Variants in CREBL2 observed in about 807,000 individuals in gnomAD.
The protein encoded by CREBL2 is cAMP-responsive element-binding protein-like 2.
A neutral mutation model predicts 19.5 loss-of-function variants in CREBL2; 4 were observed. The observed-to-expected ratio is 0.20, with a 90% CI of 0.10 to 0.47. The LOEUF (loss-of-function observed/expected upper bound fraction) is 0.47. Among genes scored for constraint, CREBL2 ranks in the 20% least tolerant of loss-of-function variants. The pLI, the probability that CREBL2 is intolerant of heterozygous loss-of-function variation, is 0.98. For missense variants in CREBL2, 85 were observed against 145.1 expected (o/e 0.59, Z 2.13); for synonymous variants, 42 against 46.6 (o/e 0.90, Z 0.40).
At chr12:12,636,703 C>T (rs1945478147) in intron 2 of CREBL2, among the ~76,000 whole-genome samples, 1 of 152,178 alleles carries the variant, frequency 6.6e-6, no homozygotes, top group Non-Finnish European at 1.5e-5. Flanking sequence ...TTACAGGCAT[C>T]AGCCACTGCA....
chr12:12,624,041 C>T (rs538629085), intron 1 of CREBL2, among the ~76,000 whole-genome samples: 1 of 152,144 alleles, frequency 6.6e-6, no homozygotes, highest in Non-Finnish European at 1.5e-5. Flanking sequence ...CAGACTGCCC[C>T]AGTCTGGACT....
chr12:12,612,090 C>T lies in CREBL2; in HGVS notation c.-83C>T. The T allele has an allele frequency of 6.4e-7, 1 of 1,554,988 alleles. No individual in the cohort carries two copies. Among genetic ancestry groups the T allele is most frequent in the Non-Finnish European group, 8.8e-7 (1 of 1,136,592 alleles). On this transcript the variant is annotated 5_prime_UTR_variant, in exon 1 of 4. Transcript: ENST00000228865. The stretch of plus-strand genomic sequence containing the variant: ...GCCAGAACCATATCCCCTTCTTCCT[C>T]GGGGCGGGGGCCGGGCCAGGCCGGC...
chr12:12,615,543 G>C (rs1317748481), intron 1 of CREBL2: 1 of 151,660 alleles, frequency 6.6e-6, no homozygotes, highest in Admixed American at 6.6e-5. Flanking sequence ...CTGTCACCAG[G>C]TTGTAGTGCA....
At position 12,645,079 on chromosome 12, in the gene CREBL2, G is replaced by A. The variant is rs1945554745; in HGVS notation, c.*3081G>A. On this transcript the variant is annotated 3_prime_UTR_variant, in exon 4 of 4. Transcript: ENST00000228865. Reference sequence around the variant, plus strand: ...TTACAGAAAACTGTTAAATAGGGAAGAACTACATTAAATTTAAATATTCAC... The same window carrying A: ...TTACAGAAAACTGTTAAATAGGGAAAAACTACATTAAATTTAAATATTCAC... The A allele has an allele frequency of 6.6e-6, 1 of 152,118 alleles. No individual in the cohort carries two copies. Among genetic ancestry groups the A allele is most frequent in the Admixed American group, 6.5e-5 (1 of 15,286 alleles). 9.4% of individuals were successfully genotyped at this position (152,118 alleles called of 1,614,324 possible).
At chr12:12,640,588 C>T (rs560119680) in intron 3 of CREBL2, among the ~76,000 whole-genome samples, 14 of 152,060 alleles carry the variant, frequency 9.2e-5, no homozygotes, top group East Asian at 1.9e-4. Context: ...CCTCAGCTTA[C>T]GAAGATAATA....
At chr12:12,635,752 T>A in intron 1 of CREBL2, 25 bp from the exon 2 acceptor site, 22 of 1,582,182 alleles carry the variant, frequency 1.4e-5, no homozygotes, top group Non-Finnish European at 1.9e-5. Flanking sequence ...AAGGAAAAAA[T>A]TATTTCTTCT....
At chr12:12,627,893 T>C (rs1344883946) in intron 1 of CREBL2, among the ~76,000 whole-genome samples, 1 of 152,126 alleles carries the variant, frequency 6.6e-6, no homozygotes, top group African/African-American at 2.4e-5. Flanking sequence ...TTACTGGTTG[T>C]CTTTTTTTTT....
chr12:12,613,458 C>T (rs1945283638), intron 1 of CREBL2, among the ~76,000 whole-genome samples: 1 of 152,124 alleles, frequency 6.6e-6, no homozygotes, highest in East Asian at 1.9e-4. Context: ...TTCACATATC[C>T]TCAGAGAGAT....
chr12:12,611,897 C>T lies in CREBL2; in HGVS notation c.-276C>T, dbSNP rs570332695. 9 of 523,156 alleles carry T rather than the reference C, an allele frequency of 1.7e-5. No homozygotes were observed. The highest frequency in any genetic ancestry group is 1.3e-4 in the East Asian group (4 of 30,746). 32.4% of individuals were successfully genotyped at this position (523,156 alleles called of 1,614,324 possible). A position where few individuals can be genotyped will look rare whatever the true frequency, so the allele number is the denominator to read the frequency against. On this transcript the variant is annotated 5_prime_UTR_variant, in exon 1 of 4. Coordinates refer to ENST00000228865, the MANE Select transcript of CREBL2 (RefSeq NM_001310.4). ...CTCCGGTCTCGGCGGCTCTCCAGAG[C>T]GTCTGTAAACACCCAGAGACTGTCA... is the stretch of plus-strand genomic sequence containing the variant.
At chr12:12,613,980 TCTTTTTTTTC>T (rs1945287408) in intron 1 of CREBL2, among the ~76,000 whole-genome samples, 1 of 128,766 alleles carries the variant, frequency 7.8e-6, no homozygotes, top group Non-Finnish European at 1.6e-5. Flanking sequence ...CTTTCTTTTT[TCTTTTTTTTC>T]TTTTTTTTTT....
Position 12,620,249 on chromosome 12 carries a change from T to C in CREBL2, c.15+8062T>C, listed in dbSNP as rs567445071. 4.8e-3 allele frequency among the ~76,000 whole-genome samples: 732 copies of C among 152,024 alleles called. 8 individuals carry two copies. Among genetic ancestry groups the C allele is most frequent in the Middle Eastern group, 0.017 (5 of 294 alleles). On this transcript the variant is annotated intron_variant, in intron 1 of 3. Transcript: ENST00000228865. ...TTCTTTTCTTTTCTTTTTCTTTTTTTTTTTGAGACGGTCTCACTCTGTCAC... is the reference window on the plus strand; with the variant it reads ...TTCTTTTCTTTTCTTTTTCTTTTTTCTTTTGAGACGGTCTCACTCTGTCAC...
intron 1 of CREBL2, among the ~76,000 whole-genome samples, chr12:12,618,121 C>T (rs1009981762): frequency 2.6e-5 from 4 of 152,244 alleles, no homozygotes; most frequent in African/African-American, 9.6e-5. Context: ...CACATTTCCC[C>T]CTTTTCTATT....
chr12:12,617,672 TTTTTTTTTTA>T (rs1945322021), intron 1 of CREBL2, among the ~76,000 whole-genome samples: 3 of 125,494 alleles, frequency 2.4e-5, no homozygotes, highest in Non-Finnish European at 5.0e-5. Context: ...TTTTTTTTTT[TTTTTTTTTTA>T]GTATTTATTG....
intron 1 of CREBL2, among the ~76,000 whole-genome samples, chr12:12,620,078 A>G (rs767287173): frequency 5.3e-5 from 8 of 152,064 alleles, no homozygotes; most frequent in Admixed American, 3.3e-4. Context: ...AGTTGGAGCT[A>G]CCTTCCTTGG....
chr12:12,615,088 C>A (rs1023454194), intron 1 of CREBL2, among the ~76,000 whole-genome samples: 1 of 152,090 alleles, frequency 6.6e-6, no homozygotes, highest in Non-Finnish European at 1.5e-5. Flanking sequence ...AGTCTTGGCT[C>A]ACTATAAACT....
At chr12:12,617,385 C>G (rs1018397142) in intron 1 of CREBL2, among the ~76,000 whole-genome samples, 1 of 152,106 alleles carries the variant, frequency 6.6e-6, no homozygotes, top group African/African-American at 2.4e-5. Context: ...CTGAGTAGAT[C>G]TCCTACTAGG....
intron 1 of CREBL2, among the ~76,000 whole-genome samples, chr12:12,626,162 G>C (rs1945399887): frequency 6.6e-6 from 1 of 151,990 alleles, no homozygotes; most frequent in South Asian, 2.1e-4. Context: ...ATTAAATGTG[G>C]GTGCTGGAGG....
chr12:12,617,559 G>A (rs919192407), intron 1 of CREBL2, among the ~76,000 whole-genome samples: 1 of 139,218 alleles, frequency 7.2e-6, no homozygotes, highest in Non-Finnish European at 1.5e-5. Context: ...CTCAAAACAC[G>A]TTATCATTAT....
chr12:12,625,223 G>A (rs904270124), intron 1 of CREBL2, among the ~76,000 whole-genome samples: 2 of 152,124 alleles, frequency 1.3e-5, no homozygotes, highest in African/African-American at 4.8e-5. Flanking sequence ...ATGGGGTTTT[G>A]TCGGGGACCC....
Sources: gnomAD v4.1 joint callset for allele counts (sites outside exome capture counted in the v4.1 genomes callset) on GRCh38, gnomAD v4.1.1 for gene constraint, MANE v1.5 for transcripts, NCBI Gene and HGNC (gene_info 2026-07-23, HGNC 2026-07-21) for gene names.